Variants in CMTM8 observed in about 807,000 individuals in gnomAD.
CMTM8 encodes the protein CKLF like MARVEL transmembrane domain containing 8.
Under a neutral mutation model 18.6 loss-of-function variants are expected in CMTM8, and 12 were observed. The ratio of observed to expected loss-of-function variants is 0.65; its 90% CI spans 0.41 to 1.05. The LOEUF is 1.05. Ranked by LOEUF, CMTM8 falls within the 50% of genes least tolerant of loss-of-function variation. CMTM8 has a pLI of 0.00. For missense variants in CMTM8, 217 were observed against 227.2 expected (o/e 0.95, Z 0.29); for synonymous variants, 87 against 90.6 (o/e 0.96, Z 0.23).
At position 32,340,237 on chromosome 3, in the gene CMTM8, G is replaced by C. The variant is rs114510986; in HGVS notation, c.148-17136G>C. Among the ~76,000 whole-genome samples the C allele has an allele frequency of 6.3e-3, 966 of 152,208 alleles. 10 individuals carry two copies. The highest frequency in any genetic ancestry group is 0.021 in the African/African-American group (890 of 41,520). On this transcript the variant is annotated intron_variant, in intron 1 of 3. Transcript: ENST00000307526. ...ACTCTGATCTCTCGCCATTCAACAG[G>C]GTCCGGTTGTATCACCTTAGTCTTC... is the stretch of plus-strand genomic sequence containing the variant.
At chr3:32,348,369 G>C (rs959691966) in intron 1 of CMTM8, among the ~76,000 whole-genome samples, 2 of 151,992 alleles carry the variant, frequency 1.3e-5, no homozygotes, top group Non-Finnish European at 1.5e-5. Context: ...GATGTACCTT[G>C]ATTTGGGTCT....
intron 2 of CMTM8, among the ~76,000 whole-genome samples, chr3:32,360,910 C>T (rs1323200613): frequency 6.6e-6 from 1 of 152,226 alleles, no homozygotes; most frequent in African/African-American, 2.4e-5. Context: ...ATGTGGGAAA[C>T]ACTGGTTTAA....
chr3:32,335,521 C>G (rs926213229), intron 1 of CMTM8, among the ~76,000 whole-genome samples: 6 of 152,188 alleles, frequency 3.9e-5, no homozygotes, highest in Non-Finnish European at 7.3e-5. Flanking sequence ...AACTTGTTTT[C>G]AGGGGCCAGG....
chr3:32,335,285 C>G (rs1009369444), intron 1 of CMTM8, among the ~76,000 whole-genome samples: 2 of 152,206 alleles, frequency 1.3e-5, no homozygotes, highest in Non-Finnish European at 2.9e-5. Flanking sequence ...CCTTCCCGTA[C>G]ATGTCATCCT....
chr3:32,238,882 C>T lies in CMTM8; in HGVS notation c.-91C>T, dbSNP rs556038271. 7.3e-6 allele frequency: 9 copies of T among 1,232,718 alleles called. No individual in the cohort carries two copies. In the East Asian group the frequency reaches 2.3e-4, roughly 31 times the overall value. 76.4% of individuals were successfully genotyped at this position (1,232,718 alleles called of 1,614,324 possible). A position where few individuals can be genotyped will look rare whatever the true frequency, so the allele number is the denominator to read the frequency against. On this transcript the variant is annotated 5_prime_UTR_variant, in exon 1 of 4. Coordinates refer to ENST00000307526, the MANE Select transcript of CMTM8 (RefSeq NM_178868.5). ...CCGCGCGGGCCGCGCTCCCCTCCCC[C>T]GCGCCTGTGTCCCCAGGGCGCAGGG...
At chr3:32,362,429 A>C (rs1696953519) in intron 2 of CMTM8, among the ~76,000 whole-genome samples, 1 of 152,168 alleles carries the variant, frequency 6.6e-6, no homozygotes, top group South Asian at 2.1e-4. Flanking sequence ...TAATCCTTAC[A>C]GTAACTCTGC....
chr3:32,242,752 T>C (rs1444976469), intron 1 of CMTM8, among the ~76,000 whole-genome samples: 1 of 152,208 alleles, frequency 6.6e-6, no homozygotes, highest in African/African-American at 2.4e-5. Flanking sequence ...GTGTGTTTTC[T>C]CCCAGTGTAC....
intron 1 of CMTM8, among the ~76,000 whole-genome samples, chr3:32,294,341 T>C (rs1036365126): frequency 2.0e-5 from 3 of 152,254 alleles, no homozygotes; most frequent in African/African-American, 7.2e-5. Flanking sequence ...TTTCACATCC[T>C]GTGAGGCTTC....
At chr3:32,276,188 G>A (rs903553869) in intron 1 of CMTM8, among the ~76,000 whole-genome samples, 8 of 151,722 alleles carry the variant, frequency 5.3e-5, no homozygotes, top group African/African-American at 9.7e-5. Flanking sequence ...TGGGTTACTC[G>A]TCCTCCTCCT....
At chr3:32,277,024 A>G (rs1432552370) in intron 1 of CMTM8, among the ~76,000 whole-genome samples, 1 of 151,754 alleles carries the variant, frequency 6.6e-6, no homozygotes, top group East Asian at 2.0e-4. Context: ...AGCTGGGACT[A>G]CAGGCACATC....
At chr3:32,259,860 T>C (rs4627790) in intron 1 of CMTM8, 238,747 of 846,412 alleles carry the variant, frequency 0.28, 35,702 homozygotes, top group Non-Finnish European at 0.32. Context: ...TCCTTGGAGA[T>C]TGACCTGGAC....
At chr3:32,342,055 C>T (rs1187620723) in intron 1 of CMTM8, among the ~76,000 whole-genome samples, 1 of 152,096 alleles carries the variant, frequency 6.6e-6, no homozygotes, top group Non-Finnish European at 1.5e-5. Flanking sequence ...TGAGACCAGC[C>T]TGGCCAACAT....
At chr3:32,331,251 A>G (rs1457363675) in intron 1 of CMTM8, among the ~76,000 whole-genome samples, 1 of 152,244 alleles carries the variant, frequency 6.6e-6, no homozygotes, top group Non-Finnish European at 1.5e-5. Flanking sequence ...AATGCAAATC[A>G]AAACCATAAT....
chr3:32,256,228 G>C (rs1223146710), intron 1 of CMTM8, among the ~76,000 whole-genome samples: 1 of 47,238 alleles, frequency 2.1e-5, no homozygotes, highest in Non-Finnish European at 4.3e-5. Flanking sequence ...CACCAAGCCT[G>C]GATAATTTTT....
At chr3:32,280,846 C>CAAAAAAAAAAAA (rs60845487) in intron 1 of CMTM8, among the ~76,000 whole-genome samples, 3 of 68,172 alleles carry the variant, frequency 4.4e-5, no homozygotes, top group African/African-American at 6.2e-5. Flanking sequence ...AGAAAATAGG[C>CAAAAAAAAAAAA]AAAAAAAAAA....
intron 1 of CMTM8, among the ~76,000 whole-genome samples, chr3:32,274,860 G>A (rs546153576): frequency 2.6e-5 from 4 of 152,250 alleles, no homozygotes; most frequent in Admixed American, 2.6e-4. Context: ...TGCAAATTAT[G>A]TGTGTGTGGT....
At chr3:32,321,390 G>A (rs974879987) in intron 1 of CMTM8, among the ~76,000 whole-genome samples, 2 of 152,240 alleles carry the variant, frequency 1.3e-5, no homozygotes, top group South Asian at 2.1e-4. Context: ...TGGTGCCTCC[G>A]TGGAGCCTTG....
At chr3:32,306,849 A>G (rs12497324) in intron 1 of CMTM8, among the ~76,000 whole-genome samples, 22,030 of 152,180 alleles carry the variant, frequency 0.14, 1,781 homozygotes, top group Admixed American at 0.2. Flanking sequence ...GTACTACATT[A>G]GGTCCTTGGG....
At chr3:32,352,252 C>CT (rs1479276705) in intron 1 of CMTM8, among the ~76,000 whole-genome samples, 1 of 150,358 alleles carries the variant, frequency 6.7e-6, no homozygotes, top group East Asian at 1.9e-4. Flanking sequence ...GAGGAGAACT[C>CT]TAAGTGGTTG....
Sources: allele counts gnomAD v4.1 joint callset (sites outside exome capture counted in the v4.1 genomes callset), GRCh38; gene constraint gnomAD v4.1.1; transcripts MANE v1.5; gene names NCBI Gene and HGNC (gene_info 2026-07-23, HGNC 2026-07-21).